OSER1: variants seen among roughly 807,000 people sequenced by gnomAD.
OSER1 encodes the protein oxidative stress responsive serine rich 1.
A neutral mutation model predicts 26.3 loss-of-function variants in OSER1; 15 were observed. That is an observed-to-expected ratio of 0.57 (90% CI 0.38 to 0.88). The LOEUF is 0.88. OSER1 is among the 40% of genes least tolerant of loss of function. OSER1 has a pLI of 0.00. For synonymous variants in OSER1, 127 were observed against 128.2 expected, an observed-to-expected ratio of 0.99 and a Z score of 0.07; for missense variants, 313 against 353.9, an observed-to-expected ratio of 0.88 and a Z score of 0.93.
rs1480930532 is a variant in OSER1 at position 44,197,596 on chromosome 20, G to C, written c.335C>G (p.Thr112Ser). ...CCCACTGCTGCCATCAGGTGAGTCA[G>C]TCTGGCTTTTGTGCTTGAGTTGACT... is the stretch of plus-strand genomic sequence containing the variant. ...SSSQLKHKSQTDSPDGSSGLG... is the reference protein window; with the variant it reads ...SSSQLKHKSQSDSPDGSSGLG... The change falls in exon 4 of 4, where the codon ACT (threonine) becomes AGT (serine). Residue 112 changes from threonine (T) to serine (S), a missense_variant. Around this residue, in one of 2 missense-constraint regions of OSER1, gnomAD observed 300 missense variants for 318.3 expected, o/e 0.94. Coordinates refer to ENST00000255174, the MANE Select transcript of OSER1 (RefSeq NM_016470.8). 6.2e-7 allele frequency: 1 copy of C among 1,614,072 alleles called. No individual in the cohort carries two copies. Among genetic ancestry groups the C allele is most frequent in the African/African-American group, 1.3e-5 (1 of 74,940 alleles).
chr20:44,196,000 C>CT lies in OSER1; in HGVS notation c.*1051dup, dbSNP rs2072913982. ...ACAAAAGCTTCTGTTAACATTATTG[C>CT]TAACATGGCTAGACACTGTCACTAA... On this transcript the variant is annotated 3_prime_UTR_variant, in exon 4 of 4. Transcript: ENST00000255174. 6.6e-6 allele frequency among the ~76,000 whole-genome samples: 1 copy of CT among 152,188 alleles called. No homozygotes were observed. The highest frequency in any genetic ancestry group is 1.5e-5 in the Non-Finnish European group (1 of 68,032).
Position 44,196,539 on chromosome 20 carries a change from T to C in OSER1, c.*513A>G, listed in dbSNP as rs2072920920. On this transcript the variant is annotated 3_prime_UTR_variant, in exon 4 of 4. Transcript: ENST00000255174. ...GTTTATTCAAATTGAATCTAAACCTTAGATCTCTGGCTTAACAATAACAAG... is the reference window on the plus strand; with the variant it reads ...GTTTATTCAAATTGAATCTAAACCTCAGATCTCTGGCTTAACAATAACAAG... 6.5e-6 allele frequency: 1 copy of C among 154,664 alleles called. No individual in the cohort carries two copies. Among genetic ancestry groups the C allele is most frequent in the South Asian group, 2.0e-4 (1 of 5,048 alleles). 9.6% of individuals were successfully genotyped at this position (154,664 alleles called of 1,614,324 possible).
chr20:44,207,293 G>A (rs779779724), intron 1 of OSER1: 46 of 175,668 alleles, frequency 2.6e-4, no homozygotes, highest in Non-Finnish European at 4.7e-4. Flanking sequence ...ACTTTTTAAC[G>A]GGAATCTCCC....
intron 2 of OSER1, among the ~76,000 whole-genome samples, chr20:44,205,922 A>G (rs1393322510): frequency 2.2e-5 from 3 of 138,350 alleles, no homozygotes; most frequent in South Asian, 4.7e-4. Context: ...CCTGGGCGAC[A>G]GGGCCAGAAT....
At chr20:44,204,822 A>T (rs1033774118) in intron 2 of OSER1, among the ~76,000 whole-genome samples, 3 of 152,002 alleles carry the variant, frequency 2.0e-5, no homozygotes, top group African/African-American at 4.8e-5. Context: ...TTTTAGGGAT[A>T]CCAAAATGGC....
At chr20:44,210,390 G>A (rs956802065) in intron 1 of OSER1, among the ~76,000 whole-genome samples, 4 of 152,238 alleles carry the variant, frequency 2.6e-5, no homozygotes, top group Admixed American at 1.3e-4. Flanking sequence ...GCAAAGGGCG[G>A]CCAAGGAGGG....
rs761652357 is a variant in OSER1 at position 44,197,265 on chromosome 20, A to C, written c.666T>G (p.Ser222Arg). ...TTCGTTCTGGAGCCAAGGGAGGGAC[A>C]CTCTGCAGGCCTGAAAAGGAATACA... ...MEVYSFSGLQ[S>R]VPPLAPERRS... is the part of the protein sequence containing the mutation. The change falls in exon 4 of 4, where the codon AGT becomes AGG. Residue 222 changes from serine (S) to arginine (R), a missense_variant. Coordinates refer to ENST00000255174, the MANE Select transcript of OSER1 (RefSeq NM_016470.8). 3 of 1,613,976 alleles carry C rather than the reference A, an allele frequency of 1.9e-6. No individual in the cohort carries two copies. Among genetic ancestry groups the C allele is most frequent in the Non-Finnish European group, 2.5e-6 (3 of 1,179,858 alleles).
chr20:44,197,545 A>G lies in OSER1; in HGVS notation c.386T>C (p.Phe129Ser). Reference protein sequence around the residue: ...SGLGISSPKEFSAGESSTSLD... With the variant: ...SGLGISSPKESSAGESSTSLD... Reference sequence around the variant, plus strand: ...AGAAGTAGAGCTTTCTCCTGCACTGAACTCTTTAGGGGATGAAATTCCCAG... The same window carrying G: ...AGAAGTAGAGCTTTCTCCTGCACTGGACTCTTTAGGGGATGAAATTCCCAG... The change falls in exon 4 of 4, where the codon TTC becomes TCC. Residue 129 changes from phenylalanine (F) to serine (S), a missense_variant. Transcript: ENST00000255174. The G allele has an allele frequency of 1.2e-6, 2 of 1,614,110 alleles. No homozygotes were observed. Among genetic ancestry groups the G allele is most frequent in the South Asian group, 2.2e-5 (2 of 91,082 alleles).
Position 44,202,379 on chromosome 20 carries a change from T to C in OSER1, c.191+582A>G, listed in dbSNP as rs895990310. 3.3e-5 allele frequency among the ~76,000 whole-genome samples: 5 copies of C among 151,418 alleles called. No individual in the cohort carries two copies. The East Asian group carries it at 5.8e-4, about 18-fold the overall frequency. On this transcript the variant is annotated intron_variant, in intron 3 of 3. Coordinates refer to ENST00000255174, the MANE Select transcript of OSER1 (RefSeq NM_016470.8). ...GACAGAGCAAGAACAAGATTCCATC[T>C]TAAGAAAAAAAAAAGAATAGAAAAA... is the stretch of plus-strand genomic sequence containing the variant.
intron 3 of OSER1, among the ~76,000 whole-genome samples, chr20:44,202,720 C>T (rs772450362): frequency 1.9e-4 from 29 of 151,854 alleles, no homozygotes; most frequent in Non-Finnish European, 3.5e-4. Flanking sequence ...GACAGAGAAC[C>T]CAAGAATAAT....
intron 1 of OSER1, 198 bp from the exon 2 acceptor site, chr20:44,207,196 A>C: frequency 2.8e-6 from 1 of 360,290 alleles, no homozygotes; most frequent in South Asian, 5.7e-5. Flanking sequence ...CTATGACAGA[A>C]TATAAACTGT....
intron 3 of OSER1, among the ~76,000 whole-genome samples, chr20:44,201,446 A>G (rs1312184056): frequency 2.0e-5 from 3 of 152,218 alleles, no homozygotes; most frequent in Non-Finnish European, 2.9e-5. Context: ...TACAATGCAG[A>G]GGTCCTATTT....
chr20:44,197,203 G>A lies in OSER1; in HGVS notation c.728C>T (p.Ala243Val). 1 of 1,614,244 alleles carries A rather than the reference G, an allele frequency of 6.2e-7. No individual in the cohort carries two copies. Among genetic ancestry groups the A allele is most frequent in the Non-Finnish European group, 8.5e-7 (1 of 1,180,046 alleles). Residue 243 changes from alanine (A) to valine (V), a missense_variant, in exon 4 of 4, where the codon GCC (alanine) becomes GTC (valine). Around this residue, in one of 2 missense-constraint regions of OSER1, gnomAD observed 300 missense variants for 318.3 expected, o/e 0.94. Transcript: ENST00000255174. The part of the protein sequence containing the change: ...TLEDYSQSLH[A>V]RTLSGSPRSC... Reference sequence around the variant, plus strand: ...TCGGGGAGAGCCAGACAGAGTTCTGGCGTGCAGCGACTGAGAGTAGTCCTC... The same window carrying A: ...TCGGGGAGAGCCAGACAGAGTTCTGACGTGCAGCGACTGAGAGTAGTCCTC...
chr20:44,201,721 C>T (rs973507757), intron 3 of OSER1, among the ~76,000 whole-genome samples: 2 of 152,222 alleles, frequency 1.3e-5, no homozygotes, highest in Non-Finnish European at 2.9e-5. Flanking sequence ...TAATTTTTGT[C>T]TTTGTTAAAA....
rs2072923892 is a variant in OSER1 at position 44,196,852 on chromosome 20, G to A, written c.*200C>T. On this transcript the variant is annotated 3_prime_UTR_variant, in exon 4 of 4. Transcript: ENST00000255174. ...AGGGGGATTTTTCTTTGATCTGCTCGCCTTGAAGTGTATGTAAGAACTCAA... is the reference window on the plus strand; with the variant it reads ...AGGGGGATTTTTCTTTGATCTGCTCACCTTGAAGTGTATGTAAGAACTCAA... 8 of 528,852 alleles carry A rather than the reference G, an allele frequency of 1.5e-5. No individual in the cohort carries two copies. Among genetic ancestry groups the A allele is most frequent in the East Asian group, 3.0e-5 (1 of 33,516 alleles). 32.8% of individuals were successfully genotyped at this position (528,852 alleles called of 1,614,324 possible). A position where few individuals can be genotyped will look rare whatever the true frequency, so the allele number is the denominator to read the frequency against.
chr20:44,197,951 G>A (rs1600490349), intron 3 of OSER1, among the ~76,000 whole-genome samples: 2 of 152,108 alleles, frequency 1.3e-5, no homozygotes, highest in South Asian at 2.1e-4. Context: ...GCTATAGAAC[G>A]AGGTGAGATA....
Position 44,197,591 on chromosome 20 carries a change from A to G in OSER1, c.340T>C (p.Ser114Pro), listed in dbSNP as rs1270113701. 1 of 1,614,176 alleles carries G rather than the reference A, an allele frequency of 6.2e-7. No individual in the cohort carries two copies. The highest frequency in any genetic ancestry group is 8.5e-7 in the Non-Finnish European group (1 of 1,180,030). The change falls in exon 4 of 4, where the codon TCA becomes CCA. Residue 114 changes from serine (S) to proline (P), a missense_variant. Ser to Pro is a moderately conservative substitution (Grantham distance 74). This residue lies in a region of OSER1 where 300 missense variants were observed against 318.3 expected (regional missense o/e 0.94). Coordinates refer to ENST00000255174, the MANE Select transcript of OSER1 (RefSeq NM_016470.8). ...SQLKHKSQTD[S>P]PDGSSGLGIS... ...CCCAGCCCACTGCTGCCATCAGGTG[A>G]GTCAGTCTGGCTTTTGTGCTTGAGT...
In OSER1 at chr20:44,196,016, C is replaced by T. The variant is rs575144899; in HGVS notation, c.*1036G>A. ...ACATTATTGCTAACATGGCTAGACACTGTCACTAAATTTGGTGGCTCTGCT... is the reference window on the plus strand; with the variant it reads ...ACATTATTGCTAACATGGCTAGACATTGTCACTAAATTTGGTGGCTCTGCT... On this transcript the variant is annotated 3_prime_UTR_variant, in exon 4 of 4. Transcript: ENST00000255174. Among the ~76,000 whole-genome samples, 38 of 152,324 alleles carry T rather than the reference C, an allele frequency of 2.5e-4. No homozygotes were observed. The highest frequency in any genetic ancestry group is 8.9e-4 in the African/African-American group (37 of 41,588).
upstream of OSER1, chr20:44,210,958 C>G (rs1364848071): frequency 6.6e-6 from 1 of 152,276 alleles, no homozygotes; most frequent in African/African-American, 2.4e-5. Context: ...GCACCCGCCC[C>G]CCTCAGAAGC....
Sources: gnomAD v4.1 joint callset for allele counts (sites outside exome capture counted in the v4.1 genomes callset) on GRCh38, gnomAD v4.1.1 for gene constraint, gnomAD v4.1.1 regional missense constraint, MANE v1.5 for transcripts, NCBI Gene and HGNC (gene_info 2026-07-23, HGNC 2026-07-21) for gene names.